Variants in PTPN23 observed in about 807,000 individuals in gnomAD.
PTPN23 encodes the protein tyrosine-protein phosphatase non-receptor type 23.
In PTPN23, 72 loss-of-function variants were observed where a neutral mutation model predicts 156.3. The ratio of observed to expected loss-of-function variants is 0.46; its 90% CI spans 0.38 to 0.56. PTPN23 has a LOEUF of 0.56. Among genes scored for constraint, PTPN23 ranks in the 20% least tolerant of loss-of-function variants. The pLI is 0.00. For synonymous variants in PTPN23, 957 were observed against 899.6 expected, an observed-to-expected ratio of 1.06 and a Z score of -1.14; for missense variants, 1,974 against 2,171.5, an observed-to-expected ratio of 0.91 and a Z score of 1.81.
intron 1 of PTPN23, among the ~76,000 whole-genome samples, chr3:47,389,962 ACTTGGGAGG>A (rs1704736645): frequency 6.6e-6 from 1 of 151,306 alleles, no homozygotes; most frequent in Admixed American, 6.6e-5. Flanking sequence ...AGTCCCAGCT[ACTTGGGAGG>A]CTTAGGCAGG....
In PTPN23 at chr3:47,381,695, G is replaced by A. The variant is rs549510318; in HGVS notation, c.84+515G>A. ...GGAGATGCCCGACCCCTGCGGTGAG[G>A]GTTTGTTTTACAATTGCTGCGATTC... On this transcript the variant is annotated intron_variant, in intron 1 of 24. Transcript: ENST00000265562. Among the ~76,000 whole-genome samples, 38 of 152,308 alleles carry A rather than the reference G, an allele frequency of 2.5e-4. No individual in the cohort carries two copies. The South Asian group carries it at 7.9e-3, about 32-fold the overall frequency.
At position 47,405,227 on chromosome 3, in the gene PTPN23, C is replaced by T. The variant is rs1705094049; in HGVS notation, c.364+146C>T. The T allele has an allele frequency of 1.5e-5, 11 of 716,302 alleles. No individual in the cohort carries two copies. In the Admixed American group the frequency reaches 2.2e-4, roughly 14 times the overall value. The allele number at this position is 716,302 out of a possible 1,614,324, so 44.4% of individuals were successfully genotyped here. A position where few individuals can be genotyped will look rare whatever the true frequency, so the allele number is the denominator to read the frequency against. ...CTCCACTGACCTCCCCACAGCCCTG[C>T]CAGCTCCTCCACTGTTTTCTGGGCT... On this transcript the variant is annotated intron_variant, in intron 4 of 24. Coordinates refer to ENST00000265562, the MANE Select transcript of PTPN23 (RefSeq NM_015466.4). The surrounding 1 kb of genome is among the most constrained non-coding windows in gnomAD (Gnocchi z 4.7).
rs778812512 is a variant in PTPN23 at position 47,407,322 on chromosome 3, CTG to C, written c.881_882del (p.Val294AlafsTer28). On this transcript the variant is annotated frameshift_variant, in exon 11 of 25. Transcript: ENST00000265562. LOFTEE classifies it high-confidence loss of function. This position sits in a 1 kb window ranked among gnomAD's most constrained non-coding sequence, Gnocchi z 4.0. ...CTAACCCCACAGGGCCAGCCTGACA[CTG>C]TGCAAGACGCGCTTCGCTTCACTAT... 6.2e-7 allele frequency: 1 copy of C among 1,614,000 alleles called. No individual in the cohort carries two copies. Among genetic ancestry groups the C allele is most frequent in the Non-Finnish European group, 8.5e-7 (1 of 1,179,952 alleles).
chr3:47,394,710 C>A (rs1216244408), intron 1 of PTPN23, among the ~76,000 whole-genome samples: 2 of 152,204 alleles, frequency 1.3e-5, no homozygotes, highest in Non-Finnish European at 2.9e-5. Context: ...TGGGAAGCTA[C>A]TGCACACATT....
chr3:47,407,411 G>A lies in PTPN23; in HGVS notation c.923+44G>A, dbSNP rs1352612844. The A allele has an allele frequency of 1.2e-6, 2 of 1,611,584 alleles. No individual in the cohort carries two copies. Among genetic ancestry groups the A allele is most frequent in the African/African-American group, 1.3e-5 (1 of 74,836 alleles). ...CCCTGGTTCCCTCTTTTTGTGAAGG[G>A]TCTTGTCCCTCTGCTGGCATCTACA... On this transcript the variant is annotated intron_variant, in intron 11 of 24. Transcript: ENST00000265562. The surrounding 1 kb of genome is among the most constrained non-coding windows in gnomAD (Gnocchi z 4.0).
intron 1 of PTPN23, among the ~76,000 whole-genome samples, chr3:47,382,811 C>T (rs1704576031): frequency 6.6e-6 from 1 of 150,560 alleles, no homozygotes; most frequent in Non-Finnish European, 1.5e-5. Flanking sequence ...GCCTCAGCCT[C>T]CCAAGTAGCT....
At position 47,410,109 on chromosome 3, in the gene PTPN23, T is replaced by C; in HGVS notation, c.2311T>C (p.Phe771Leu). The C allele has an allele frequency of 6.2e-7, 1 of 1,603,480 alleles. No homozygotes were observed. Among genetic ancestry groups the C allele is most frequent in the Non-Finnish European group, 8.5e-7 (1 of 1,174,324 alleles). Residue 771 changes from phenylalanine to leucine, a missense_variant, in exon 20 of 25, where the codon TTT (phenylalanine) becomes CTT (leucine). Physicochemically the swap from Phe to Leu is conservative, Grantham distance 22. Transcript: ENST00000265562. The part of the protein sequence containing the change: ...TFLGSATPLH[F>L]PPSPFPSSTG... ...CCTGGGAAGTGCCACCCCGCTCCAC[T>C]TTCCTCCCAGCCCCTTCCCCAGCTC...
rs779096974 is a variant in PTPN23, at chr3:47,410,355, CCGGCCCCACCAGTTGCAGGTCTCCCCT to C, written c.2568_2594del (p.Val857_Pro865del). The C allele has an allele frequency of 1.9e-6, 3 of 1,608,350 alleles. No homozygotes were observed. The highest frequency in any genetic ancestry group is 1.7e-6 in the Non-Finnish European group (2 of 1,177,632). On this transcript the variant is annotated inframe_deletion, in exon 20 of 25. Transcript: ENST00000265562. Reference sequence around the variant, plus strand: ...GAGCAGTCCCTATGTGGGGGTAGGGCCGGCCCCACCAGTTGCAGGTCTCCCCTCGGCCCCACCTCCTCAATTCTCAGG... The same window carrying C: ...GAGCAGTCCCTATGTGGGGGTAGGGCCGGCCCCACCTCCTCAATTCTCAGG...
intron 1 of PTPN23, among the ~76,000 whole-genome samples, chr3:47,389,592 G>A (rs918801372): frequency 3.3e-5 from 5 of 152,114 alleles, no homozygotes; most frequent in East Asian, 1.9e-4. Flanking sequence ...TGTAATCCCC[G>A]CACTTTGGGA....
chr3:47,413,385 C>G lies in PTPN23; in HGVS notation c.*200C>G, dbSNP rs972724628. The G allele has an allele frequency of 6.1e-6, 4 of 660,492 alleles. No homozygotes were observed. Among genetic ancestry groups the G allele is most frequent in the Non-Finnish European group, 4.9e-6 (2 of 406,852 alleles). 40.9% of individuals were successfully genotyped at this position (660,492 alleles called of 1,614,324 possible). A position where few individuals can be genotyped will look rare whatever the true frequency, so the allele number is the denominator to read the frequency against. On this transcript the variant is annotated 3_prime_UTR_variant, in exon 25 of 25. Coordinates refer to ENST00000265562, the MANE Select transcript of PTPN23 (RefSeq NM_015466.4). ...TCAGGTTCTGCTCCTTTATGGGACC[C>G]GACATTTTTCAGCTCTTTGCTATTG...
chr3:47,397,563 C>T (rs1704904480), intron 2 of PTPN23, among the ~76,000 whole-genome samples: 1 of 152,232 alleles, frequency 6.6e-6, no homozygotes, highest in South Asian at 2.1e-4. Flanking sequence ...TCATGGACCA[C>T]ATACCAATCC....
chr3:47,385,048 C>T lies in PTPN23; in HGVS notation c.84+3868C>T, dbSNP rs572902108. On this transcript the variant is annotated intron_variant, in intron 1 of 24. Coordinates refer to ENST00000265562, the MANE Select transcript of PTPN23 (RefSeq NM_015466.4). Reference sequence around the variant, plus strand: ...AAGTGCTGGGATTACAGGTATGAGCCGCCACACCCAGCCAGACCCACGTAA... The same window carrying T: ...AAGTGCTGGGATTACAGGTATGAGCTGCCACACCCAGCCAGACCCACGTAA... 4.6e-5 allele frequency among the ~76,000 whole-genome samples: 7 copies of T among 152,232 alleles called. No homozygotes were observed. In the South Asian group the frequency reaches 8.3e-4, roughly 18 times the overall value.
In PTPN23 at chr3:47,405,828, G is replaced by A. The variant is rs745983979; in HGVS notation, c.414+30G>A. The A allele has an allele frequency of 8.8e-6, 14 of 1,588,658 alleles. No individual in the cohort carries two copies. In the East Asian group the frequency reaches 2.9e-4, roughly 33 times the overall value. The stretch of plus-strand genomic sequence containing the variant: ...GGAGAGGGGCAGTAGTGGAACATGT[G>A]GACATACCAGGGAGGGGCAGCCTCC... On this transcript the variant is annotated intron_variant, in intron 5 of 24. Transcript: ENST00000265562. The surrounding 1 kb of genome is among the most constrained non-coding windows in gnomAD (Gnocchi z 4.7).
intron 2 of PTPN23, among the ~76,000 whole-genome samples, chr3:47,397,828 C>T (rs927138402): frequency 2.6e-5 from 4 of 152,104 alleles, no homozygotes; most frequent in African/African-American, 9.7e-5. Flanking sequence ...CACCACCACG[C>T]CCGGCTAATT....
rs768367262 is a variant in PTPN23 at position 47,412,991 on chromosome 3, C to CCCT, written c.4726_4728dup (p.Ser1576dup). ...GCCTGAAGCCCCCAGCTCGGGGCCC[C>CCCT]CCTCCTCCTCCCTGGAATTGCTGGC... On this transcript the variant is annotated inframe_insertion, in exon 25 of 25. Transcript: ENST00000265562. 7 of 1,611,822 alleles carry CCCT rather than the reference C, an allele frequency of 4.3e-6. No individual in the cohort carries two copies. The East Asian group carries it at 6.7e-5, about 15-fold the overall frequency.
intron 1 of PTPN23, among the ~76,000 whole-genome samples, chr3:47,392,617 G>A (rs1431399289): frequency 6.6e-6 from 1 of 152,058 alleles, no homozygotes; most frequent in Non-Finnish European, 1.5e-5. Context: ...GCTCCCTAAA[G>A]TTCTTGGTAA....
At chr3:47,400,638 A>G (rs1242873837) in intron 2 of PTPN23, among the ~76,000 whole-genome samples, 1 of 152,120 alleles carries the variant, frequency 6.6e-6, no homozygotes, top group Non-Finnish European at 1.5e-5. Context: ...CAATGGCACA[A>G]CCTCGGCTCA....
At position 47,408,805 on chromosome 3, in the gene PTPN23, G is replaced by T. The variant is rs1416236958; in HGVS notation, c.1360G>T (p.Ala454Ser). The change falls in exon 16 of 25, where the codon GCT becomes TCT. Residue 454 changes from alanine to serine, a missense_variant. By Grantham distance (99) the Ala-to-Ser change is moderately conservative (BLOSUM62 1). This residue lies in a region of PTPN23 where 726 missense variants were observed against 929.5 expected (regional missense o/e 0.78). Coordinates refer to ENST00000265562, the MANE Select transcript of PTPN23 (RefSeq NM_015466.4). ...VLSGVFTDVEASLKDIRDLLE... is the reference protein window; with the variant it reads ...VLSGVFTDVESSLKDIRDLLE... ...GTCAGGTGTGTTCACGGATGTGGAG[G>T]CTTCCCTGAAGGACATCAGAGATCT... 1.2e-6 allele frequency: 2 copies of T among 1,607,232 alleles called. No homozygotes were observed. Among genetic ancestry groups the T allele is most frequent in the Admixed American group, 1.7e-5 (1 of 59,740 alleles).
chr3:47,390,898 G>GC (rs1434629628), intron 1 of PTPN23, among the ~76,000 whole-genome samples: 5 of 152,094 alleles, frequency 3.3e-5, no homozygotes, highest in African/African-American at 1.2e-4. Flanking sequence ...AACTGCTTGA[G>GC]CCCAGGAGTT....
Sources: allele counts gnomAD v4.1 joint callset (sites outside exome capture counted in the v4.1 genomes callset), GRCh38; gene constraint gnomAD v4.1.1; regional missense constraint gnomAD v4.1.1; non-coding constraint Gnocchi (gnomAD v3.1); transcripts MANE v1.5; gene names NCBI Gene and HGNC (gene_info 2026-07-23, HGNC 2026-07-21).